The following B3GLCT variants were observed in gnomAD, a reference collection of about 807,000 sequenced individuals.
B3GLCT encodes beta-1,3-glucosyltransferase.
B3GLCT carries 65 observed loss-of-function variants against 63.4 expected under a neutral mutation model. That is an observed-to-expected ratio of 1.03 (90% CI 0.84 to 1.26). B3GLCT has a LOEUF of 1.26. B3GLCT is among the 50% of genes most tolerant of loss of function. The pLI is 0.00. For missense variants in B3GLCT, 577 were observed against 604.8 expected, an observed-to-expected ratio of 0.95 and a Z score of 0.48; for synonymous variants, 233 against 219.2, an observed-to-expected ratio of 1.06 and a Z score of -0.55.
chr13:31,308,606 C>T (rs1470465208), intron 12 of B3GLCT, among the ~76,000 whole-genome samples: 1 of 152,076 alleles, frequency 6.6e-6, no homozygotes, highest in Non-Finnish European at 1.5e-5. Flanking sequence ...TGCATCAAAC[C>T]AAACATGCTC....
chr13:31,260,926 G>T lies in B3GLCT; in HGVS notation c.460-20G>T, dbSNP rs749261155. On this transcript the variant is annotated intron_variant, in intron 6 of 14. Coordinates refer to ENST00000343307, the MANE Select transcript of B3GLCT (RefSeq NM_194318.4). ...GAAATGATTGTTTTTAAAGTGACAT[G>T]TTATATCTTTATTTAACAGGAATGG... 6.2e-7 allele frequency: 1 copy of T among 1,608,896 alleles called. No individual in the cohort carries two copies. Among genetic ancestry groups the T allele is most frequent in the East Asian group, 2.2e-5 (1 of 44,848 alleles).
In B3GLCT at chr13:31,215,100, G is replaced by C. The variant is rs1869491787; in HGVS notation, c.120G>C (p.Gln40His). 1 of 1,610,874 alleles carries C rather than the reference G, an allele frequency of 6.2e-7. No homozygotes were observed. Among genetic ancestry groups the C allele is most frequent in the Non-Finnish European group, 8.5e-7 (1 of 1,179,166 alleles). The stretch of plus-strand genomic sequence containing the variant: ...CAAAGAAAGAGGTCAAGCAGTCTCA[G>C]GTACTAATCCCAATGATCAAATCTT... Reference protein sequence around the residue: ...EDTKKEVKQSQDLEKSGISRK... With the variant: ...EDTKKEVKQSHDLEKSGISRK... Residue 40 changes from glutamine to histidine, a missense_variant and splice_region_variant, in exon 2 of 15, where the codon CAG becomes CAC. Physicochemically the swap from Gln to His is conservative, Grantham distance 24. Transcript: ENST00000343307.
At chr13:31,318,087 C>T (rs1875148212) in intron 13 of B3GLCT, among the ~76,000 whole-genome samples, 1 of 151,966 alleles carries the variant, frequency 6.6e-6, no homozygotes, top group Non-Finnish European at 1.5e-5. Context: ...TAGAAGCTTA[C>T]TTAGGCAATT....
At chr13:31,265,059 A>G (rs1161941440) in intron 7 of B3GLCT, among the ~76,000 whole-genome samples, 1 of 152,194 alleles carries the variant, frequency 6.6e-6, no homozygotes, top group Admixed American at 6.5e-5. Flanking sequence ...TCCTGTTTGC[A>G]TCCAATAGTA....
chr13:31,209,616 C>G (rs1011512783), intron 1 of B3GLCT, among the ~76,000 whole-genome samples: 1 of 152,122 alleles, frequency 6.6e-6, no homozygotes, highest in Non-Finnish European at 1.5e-5. Flanking sequence ...CCACAGGTAC[C>G]GGGTTTTATG....
At chr13:31,260,128 G>C (rs1373489040) in intron 6 of B3GLCT, among the ~76,000 whole-genome samples, 1 of 152,146 alleles carries the variant, frequency 6.6e-6, no homozygotes, top group East Asian at 1.9e-4. Context: ...CCAGCCACTG[G>C]ATTTCTTTTT....
chr13:31,281,705 A>G (rs1274210526), intron 10 of B3GLCT, among the ~76,000 whole-genome samples: 1 of 152,224 alleles, frequency 6.6e-6, no homozygotes, highest in Non-Finnish European at 1.5e-5. Flanking sequence ...GAGAAGTGCA[A>G]TCAGGGTCTT....
At chr13:31,269,655 C>G (rs1482439470) in intron 8 of B3GLCT, among the ~76,000 whole-genome samples, 2 of 149,466 alleles carry the variant, frequency 1.3e-5, no homozygotes, top group Non-Finnish European at 3.0e-5. Context: ...CCCCCTAATT[C>G]ATACCTTGAA....
intron 12 of B3GLCT, among the ~76,000 whole-genome samples, chr13:31,293,558 C>T (rs892148848): frequency 2.0e-5 from 3 of 152,012 alleles, no homozygotes; most frequent in African/African-American, 7.2e-5. Context: ...TTATGTAATG[C>T]CCTTCTTTGT....
At chr13:31,203,088 A>T (rs886385197) in intron 1 of B3GLCT, among the ~76,000 whole-genome samples, 1 of 152,166 alleles carries the variant, frequency 6.6e-6, no homozygotes, top group Admixed American at 6.5e-5. Flanking sequence ...TCCCTGTGTG[A>T]GCCAACTTTG....
At chr13:31,284,505 G>T (rs774375278) in intron 10 of B3GLCT, 143 bp from the exon 11 acceptor site, 6 of 691,682 alleles carry the variant, frequency 8.7e-6, no homozygotes, top group Admixed American at 4.1e-5. Context: ...ATTTCTCAGG[G>T]TTGGAAGCAA....
At chr13:31,299,622 G>A (rs1419754389) in intron 12 of B3GLCT, among the ~76,000 whole-genome samples, 1 of 152,088 alleles carries the variant, frequency 6.6e-6, no homozygotes, top group African/African-American at 2.4e-5. Context: ...TTGGCATTTT[G>A]TGCCTGAGAG....
chr13:31,235,831 A>C (rs9529560), intron 4 of B3GLCT, among the ~76,000 whole-genome samples: 148,532 of 152,282 alleles, frequency 0.98, 72,451 homozygotes, highest in East Asian at 1. Context: ...ATTCCTCCCT[A>C]CCCCAACCCC....
chr13:31,229,395 C>T lies in B3GLCT; in HGVS notation c.270+101C>T, dbSNP rs541254146. ...CGTGGAGAATCAGTTTTTATTTAGA[C>T]GAGAATAACTCCTCTGACTCATTTT... is the stretch of plus-strand genomic sequence containing the variant. On this transcript the variant is annotated intron_variant, in intron 4 of 14. Transcript: ENST00000343307. The T allele has an allele frequency of 2.1e-4, 165 of 772,148 alleles. 1 individual carries two copies. Among genetic ancestry groups the T allele is most frequent in the South Asian group, 2.1e-3 (143 of 69,430 alleles). 47.8% of individuals were successfully genotyped at this position (772,148 alleles called of 1,614,324 possible).
chr13:31,269,181 G>A (rs1309976535), intron 7 of B3GLCT, 33 bp from the exon 8 acceptor site: 3 of 1,502,800 alleles, frequency 2.0e-6, no homozygotes, highest in Non-Finnish European at 2.8e-6. Flanking sequence ...ACTTCTTTTG[G>A]TTAAAAAAAA....
chr13:31,304,604 G>A (rs1874348791), intron 12 of B3GLCT, among the ~76,000 whole-genome samples: 1 of 55,608 alleles, frequency 1.8e-5, no homozygotes, highest in Non-Finnish European at 3.3e-5. Context: ...ATGGTAAAGG[G>A]ATCAATTCAA....
chr13:31,253,491 G>T (rs1796249728), intron 6 of B3GLCT, among the ~76,000 whole-genome samples: 1 of 150,600 alleles, frequency 6.6e-6, no homozygotes, highest in African/African-American at 2.4e-5. Flanking sequence ...TACTCGGGAG[G>T]CTGAGGCAGG....
At chr13:31,226,147 G>A (rs116569044) in intron 3 of B3GLCT, among the ~76,000 whole-genome samples, 2,346 of 152,188 alleles carry the variant, frequency 0.015, 66 homozygotes, top group African/African-American at 0.054. Flanking sequence ...CCTTGCACTC[G>A]CCCCCGATTG....
chr13:31,300,312 G>A (rs1027503837), intron 12 of B3GLCT, among the ~76,000 whole-genome samples: 1 of 152,168 alleles, frequency 6.6e-6, no homozygotes, highest in Non-Finnish European at 1.5e-5. Flanking sequence ...CCTTACTAAA[G>A]TGTTCCTCTG....
Sources: allele counts gnomAD v4.1 joint callset (sites outside exome capture counted in the v4.1 genomes callset), GRCh38; gene constraint gnomAD v4.1.1; transcripts MANE v1.5; gene names NCBI Gene and HGNC (gene_info 2026-07-23, HGNC 2026-07-21).